Variants in CCDC88C observed in about 807,000 individuals in gnomAD.
CCDC88C encodes the protein coiled-coil and HOOK domain protein 88C.
CCDC88C carries 131 observed loss-of-function variants against 198.8 expected under a neutral mutation model. The observed-to-expected ratio is 0.66, with a 90% confidence interval of 0.57 to 0.76. The LOEUF is 0.76. CCDC88C is among the 30% of genes least tolerant of loss of function. The probability of loss-of-function intolerance (pLI) is 0.00; values close to 1 mark genes in which losing one functional copy is unlikely to be tolerated. For missense variants in CCDC88C, 2,553 were observed against 2,631.6 expected (o/e 0.97, Z 0.65); for synonymous variants, 1,166 against 1,114.7 (o/e 1.05, Z -0.92).
At chr14:91,302,711 C>T (rs1891353987) in intron 20 of CCDC88C, among the ~76,000 whole-genome samples, 1 of 152,138 alleles carries the variant, frequency 6.6e-6, no homozygotes, top group East Asian at 1.9e-4. Flanking sequence ...ATGATGCATA[C>T]ACAAGAGTTT....
At position 91,381,624 on chromosome 14, in the gene CCDC88C, GGA is replaced by G. The variant is rs1413592343; in HGVS notation, c.271-21915_271-21914del. Among the ~76,000 whole-genome samples the G allele has an allele frequency of 3.9e-5, 6 of 152,170 alleles. No individual in the cohort carries two copies. The highest frequency in any genetic ancestry group is 3.9e-4 in the Admixed American group (6 of 15,276). Reference sequence around the variant, plus strand: ...AAGTTGGGTGGATCAATTGAAGTCAGGAGTTCGAGACCACCCTGGCCAACTTG... The same window carrying G: ...AAGTTGGGTGGATCAATTGAAGTCAGGTTCGAGACCACCCTGGCCAACTTG... On this transcript the variant is annotated intron_variant, in intron 3 of 29. Coordinates refer to ENST00000389857, the MANE Select transcript of CCDC88C (RefSeq NM_001080414.4). The surrounding 1 kb of genome is among the most constrained non-coding windows in gnomAD (Gnocchi z 4.2).
intron 10 of CCDC88C, among the ~76,000 whole-genome samples, chr14:91,331,371 G>T (rs953704171): frequency 6.6e-6 from 1 of 152,236 alleles, no homozygotes; most frequent in African/African-American, 2.4e-5. Context: ...AGCTGCAGGA[G>T]ATGTTGCCTG....
At chr14:91,380,347 TAGG>T (rs1356644775) in intron 3 of CCDC88C, among the ~76,000 whole-genome samples, 1 of 152,204 alleles carries the variant, frequency 6.6e-6, no homozygotes, top group Non-Finnish European at 1.5e-5. Flanking sequence ...AGTGCTGGTG[TAGG>T]AGTCAGGCCC....
At position 91,272,213 on chromosome 14, in the gene CCDC88C, C is replaced by T. The variant is rs909584629; in HGVS notation, c.*412G>A. 3 of 164,074 alleles carry T rather than the reference C, an allele frequency of 1.8e-5. No homozygotes were observed. The highest frequency in any genetic ancestry group is 6.1e-5 in the Admixed American group (1 of 16,508). 10.2% of individuals were successfully genotyped at this position (164,074 alleles called of 1,614,324 possible). ...TGGGAGAGGGAGTGGGCTTTCTGAC[C>T]CGCCAGGCCTGAGCCTCGTAAGCCT... On this transcript the variant is annotated 3_prime_UTR_variant, in exon 30 of 30. Transcript: ENST00000389857.
At position 91,339,228 on chromosome 14, in the gene CCDC88C, A is replaced by G; in HGVS notation, c.809+50T>C. The stretch of plus-strand genomic sequence containing the variant: ...CACATGTGAGTCGACACCACACCAG[A>G]AACATGTCTGCAACACACACAAAGG... On this transcript the variant is annotated intron_variant, in intron 8 of 29. Transcript: ENST00000389857. The surrounding 1 kb of genome is among the most constrained non-coding windows in gnomAD (Gnocchi z 5.8). 6.2e-7 allele frequency: 1 copy of G among 1,601,026 alleles called. No individual in the cohort carries two copies. Among genetic ancestry groups the G allele is most frequent in the Non-Finnish European group, 8.5e-7 (1 of 1,173,296 alleles).
chr14:91,309,742 G>A, intron 16 of CCDC88C, 117 bp downstream of exon 16: 1 of 1,090,608 alleles, frequency 9.2e-7, no homozygotes, highest in Non-Finnish European at 1.2e-6. Context: ...AACCGCGTGA[G>A]GTCACAGCCC....
chr14:91,327,071 A>G (rs1218853315), intron 10 of CCDC88C, among the ~76,000 whole-genome samples: 1 of 152,132 alleles, frequency 6.6e-6, no homozygotes, highest in Non-Finnish European at 1.5e-5. Context: ...GGCCCTTCCA[A>G]GCACCGCTCG....
At chr14:91,304,900 T>C (rs1891494325) in intron 19 of CCDC88C, among the ~76,000 whole-genome samples, 1 of 152,240 alleles carries the variant, frequency 6.6e-6, no homozygotes, top group Non-Finnish European at 1.5e-5. Flanking sequence ...CAGTTTCCTG[T>C]TGATTGTCCT....
intron 14 of CCDC88C, 107 bp from the exon 15 acceptor site, chr14:91,314,257 A>C: frequency 1.1e-6 from 1 of 890,030 alleles, no homozygotes; most frequent in East Asian, 2.7e-5. Flanking sequence ...CGGCTGTCCT[A>C]CCTGTGCTCA....
chr14:91,388,558 G>A (rs965638712), intron 3 of CCDC88C, among the ~76,000 whole-genome samples: 5 of 152,212 alleles, frequency 3.3e-5, no homozygotes, highest in African/African-American at 9.6e-5. Context: ...TGAGCAGACG[G>A]TGACCGCGTC....
At chr14:91,397,270 G>A (rs1328613105) in intron 3 of CCDC88C, among the ~76,000 whole-genome samples, 1 of 152,164 alleles carries the variant, frequency 6.6e-6, no homozygotes, top group African/African-American at 2.4e-5. Flanking sequence ...ACAGGGGCCT[G>A]GGTGGCATCC....
In CCDC88C at chr14:91,351,119, G is replaced by T. The variant is rs575407099; in HGVS notation, c.341-7462C>A. On this transcript the variant is annotated intron_variant, in intron 4 of 29. Coordinates refer to ENST00000389857, the MANE Select transcript of CCDC88C (RefSeq NM_001080414.4). ...TTAACTGTTAGCATCAAGTACCTGG[G>T]TTAGAACCGCAAAGAGAGCAGTTTC... Among the ~76,000 whole-genome samples, 3 of 152,288 alleles carry T rather than the reference G, an allele frequency of 2.0e-5. No individual in the cohort carries two copies. In the East Asian group the frequency reaches 5.8e-4, roughly 29 times the overall value.
rs945447694 is a variant in CCDC88C at position 91,273,334 on chromosome 14, G to C, written c.5378C>G (p.Ala1793Gly). 8.4e-6 allele frequency: 13 copies of C among 1,548,536 alleles called. No individual in the cohort carries two copies. The African/African-American group carries it at 1.1e-4, about 13-fold the overall frequency. Residue 1793 changes from alanine (A) to glycine (G), a missense_variant, in exon 30 of 30, where the codon GCA becomes GGA. Transcript: ENST00000389857. This position sits in a 1 kb window ranked among gnomAD's most constrained non-coding sequence, Gnocchi z 5.6. ...RQAPVPPASH[A>G]PASRSASLSR... ...CAAGGAGGCACTGCGGCTGGCAGGT[G>C]CATGGGAAGCTGGGGGCACCGGAGC...
At chr14:91,331,216 G>A (rs1408614901) in intron 10 of CCDC88C, among the ~76,000 whole-genome samples, 1 of 152,158 alleles carries the variant, frequency 6.6e-6, no homozygotes, top group East Asian at 1.9e-4. Flanking sequence ...CCCAGGGAGA[G>A]GCAGCTGGAG....
chr14:91,322,115 T>TC (rs957067785), intron 12 of CCDC88C, among the ~76,000 whole-genome samples: 1 of 151,890 alleles, frequency 6.6e-6, no homozygotes, highest in African/African-American at 2.4e-5. Context: ...GCCCGGTTCT[T>TC]CCCCCCTTCA....
At chr14:91,341,770 G>A (rs1893320426) in intron 6 of CCDC88C, among the ~76,000 whole-genome samples, 1 of 152,234 alleles carries the variant, frequency 6.6e-6, no homozygotes, top group African/African-American at 2.4e-5. Context: ...AACATCAATG[G>A]CAAAGGGCCG....
chr14:91,404,491 G>C (rs116388051), intron 3 of CCDC88C, among the ~76,000 whole-genome samples: 2,363 of 152,246 alleles, frequency 0.016, 46 homozygotes, highest in African/African-American at 0.043. Flanking sequence ...GAATCACCTG[G>C]GGGCCTGTTA....
rs373765877 is a variant in CCDC88C, at chr14:91,416,636, C to G, written c.161+102G>C. The G allele has an allele frequency of 9.0e-5, 76 of 843,198 alleles. No individual in the cohort carries two copies. The East Asian group carries it at 9.3e-4, about 10-fold the overall frequency. 52.2% of individuals were successfully genotyped at this position (843,198 alleles called of 1,614,324 possible). ...CGTCTCCACCTTCAGAGAACTACCC[C>G]CCACCCCACACACACCCCGCCATGC... On this transcript the variant is annotated intron_variant, in intron 2 of 29. Transcript: ENST00000389857.
At position 91,297,376 on chromosome 14, in the gene CCDC88C, G is replaced by T; in HGVS notation, c.3895C>A (p.Arg1299Ser). Residue 1299 changes from arginine (R) to serine (S), a missense_variant, in exon 22 of 30, where the codon CGC (arginine) becomes AGC (serine). By Grantham distance (110) the Arg-to-Ser change is moderately radical (BLOSUM62 -1). This residue lies in a region of CCDC88C where 1,293 missense variants were observed against 1,219.6 expected (regional missense o/e 1.06). Transcript: ENST00000389857. ...AQLELNRWQA[R>S]FDELKEQHQT... ...TGCTGCTCCTTCAGCTCGTCGAAGC[G>T]GGCCTGCCAGCGGTTGAGCTCCAGC... The T allele has an allele frequency of 1.9e-6, 3 of 1,613,456 alleles. No individual in the cohort carries two copies. The highest frequency in any genetic ancestry group is 1.1e-5 in the South Asian group (1 of 90,898).
Sources: allele counts gnomAD v4.1 joint callset (sites outside exome capture counted in the v4.1 genomes callset), GRCh38; gene constraint gnomAD v4.1.1; regional missense constraint gnomAD v4.1.1; non-coding constraint Gnocchi (gnomAD v3.1); transcripts MANE v1.5; gene names NCBI Gene and HGNC (gene_info 2026-07-23, HGNC 2026-07-21).